FRMD5: variants seen among roughly 807,000 people sequenced by gnomAD.
FRMD5 encodes the protein FERM domain-containing protein 5.
FRMD5 carries 20 observed loss-of-function variants against 69.0 expected under a neutral mutation model. That is an observed-to-expected ratio of 0.29 (90% CI 0.20 to 0.42). The LOEUF is 0.42. FRMD5 is among the 10% of genes least tolerant of loss of function. The pLI is 1.00. For missense variants in FRMD5, 595 were observed against 708.6 expected (o/e 0.84, Z 1.82); for synonymous variants, 271 against 260.1 (o/e 1.04, Z -0.40).
intron 4 of FRMD5, among the ~76,000 whole-genome samples, chr15:43,915,787 T>C (rs1292020140): frequency 2.0e-5 from 3 of 152,178 alleles, no homozygotes; most frequent in Admixed American, 6.5e-5. Context: ...CCTGGCTTTA[T>C]GGGAATGGCT....
At chr15:43,918,317 A>G (rs537520976) in intron 4 of FRMD5, among the ~76,000 whole-genome samples, 2 of 152,266 alleles carry the variant, frequency 1.3e-5, no homozygotes, top group South Asian at 4.1e-4. Context: ...CCAGTTAGTC[A>G]GGAGGCTGAG....
intron 1 of FRMD5, among the ~76,000 whole-genome samples, chr15:43,964,273 C>T (rs190179572): frequency 1.9e-4 from 29 of 151,826 alleles, no homozygotes; most frequent in Admixed American, 1.8e-3. Context: ...TCAGTGATGC[C>T]TTTTTCCGTG....
At chr15:43,946,826 G>C (rs761806290) in intron 1 of FRMD5, among the ~76,000 whole-genome samples, 1 of 152,162 alleles carries the variant, frequency 6.6e-6, no homozygotes, top group Non-Finnish European at 1.5e-5. Flanking sequence ...AACACTTCAA[G>C]CTCATTCTAA....
At chr15:44,075,628 T>C (rs1595696553) in intron 1 of FRMD5, among the ~76,000 whole-genome samples, 1 of 152,174 alleles carries the variant, frequency 6.6e-6, no homozygotes, top group African/African-American at 2.4e-5. Flanking sequence ...AAAACAGGTA[T>C]GTATGTAGCC....
intron 1 of FRMD5, among the ~76,000 whole-genome samples, chr15:44,060,208 A>C (rs959140200): frequency 6.6e-6 from 1 of 152,224 alleles, no homozygotes; most frequent in Non-Finnish European, 1.5e-5. Flanking sequence ...AACTCATTCT[A>C]CAGCCTAATC....
chr15:44,127,372 G>C (rs1215138002), intron 1 of FRMD5, among the ~76,000 whole-genome samples: 1 of 152,174 alleles, frequency 6.6e-6, no homozygotes, highest in African/African-American at 2.4e-5. Flanking sequence ...GATTACAGGC[G>C]TAAGCCACCA....
intron 1 of FRMD5, among the ~76,000 whole-genome samples, chr15:44,068,226 A>C (rs1433502373): frequency 1.3e-5 from 2 of 152,248 alleles, no homozygotes; most frequent in Non-Finnish European, 2.9e-5. Context: ...ATAACCCAGC[A>C]ATTAATTTCA....
intron 1 of FRMD5, among the ~76,000 whole-genome samples, chr15:44,040,267 C>G (rs1405793816): frequency 6.6e-6 from 1 of 152,006 alleles, no homozygotes; most frequent in Admixed American, 6.6e-5. Context: ...AAGAACTTCC[C>G]CAACCTAACA....
chr15:44,143,650 G>A lies in FRMD5; in HGVS notation c.102+51303C>T, dbSNP rs918813803. On this transcript the variant is annotated intron_variant, in intron 1 of 13. Coordinates refer to ENST00000417257, the MANE Select transcript of FRMD5 (RefSeq NM_032892.5). ...GTAGAAAGTATTATCTTTCGGCTGG[G>A]CGCGATGGCTCACGCCTGTAATCCC... is the stretch of plus-strand genomic sequence containing the variant. Among the ~76,000 whole-genome samples the A allele has an allele frequency of 3.4e-4, 51 of 150,912 alleles. 1 individual carries two copies. The highest frequency in any genetic ancestry group is 1.2e-3 in the African/African-American group (51 of 41,046).
intron 1 of FRMD5, among the ~76,000 whole-genome samples, chr15:43,965,764 A>T (rs1357000106): frequency 1.3e-5 from 2 of 151,820 alleles, no homozygotes; most frequent in Non-Finnish European, 2.9e-5. Context: ...TACTTTTAGT[A>T]GAGACGAGGT....
At chr15:43,885,351 T>C (rs1387705416) in intron 11 of FRMD5, among the ~76,000 whole-genome samples, 1 of 152,092 alleles carries the variant, frequency 6.6e-6, no homozygotes, top group Non-Finnish European at 1.5e-5. Flanking sequence ...TTTTTTTGTA[T>C]TTTTAGTAGA....
intron 2 of FRMD5, among the ~76,000 whole-genome samples, chr15:43,921,797 T>G (rs1015441831): frequency 6.6e-6 from 1 of 152,004 alleles, no homozygotes; most frequent in Non-Finnish European, 1.5e-5. Context: ...CAAGAGAAGG[T>G]GGAGGCCCTG....
intron 1 of FRMD5, among the ~76,000 whole-genome samples, chr15:43,957,634 C>T (rs1242859032): frequency 6.6e-6 from 1 of 152,208 alleles, no homozygotes; most frequent in African/African-American, 2.4e-5. Flanking sequence ...ATTTGTATTA[C>T]CTGATTTAGT....
At chr15:44,160,975 A>C (rs2077607524) in intron 1 of FRMD5, among the ~76,000 whole-genome samples, 1 of 152,232 alleles carries the variant, frequency 6.6e-6, no homozygotes, top group Non-Finnish European at 1.5e-5. Flanking sequence ...CATATTGTAC[A>C]AGAGAGGAGG....
At chr15:44,172,236 G>A (rs908995207) in intron 1 of FRMD5, among the ~76,000 whole-genome samples, 4 of 150,596 alleles carry the variant, frequency 2.7e-5, no homozygotes, top group Non-Finnish European at 4.4e-5. Flanking sequence ...GACCACAGGT[G>A]TGCACCACCA....
intron 1 of FRMD5, among the ~76,000 whole-genome samples, chr15:44,100,516 A>T (rs1349623998): frequency 1.3e-5 from 2 of 152,204 alleles, no homozygotes; most frequent in Non-Finnish European, 2.9e-5. Context: ...TGAATACAGT[A>T]TACTTCCTCC....
At chr15:43,875,010 C>T (rs1048331795) in intron 13 of FRMD5, among the ~76,000 whole-genome samples, 2 of 152,154 alleles carry the variant, frequency 1.3e-5, no homozygotes, top group African/African-American at 2.4e-5. Flanking sequence ...CCAGCCTGGC[C>T]AACATGGTGA....
intron 1 of FRMD5, among the ~76,000 whole-genome samples, chr15:44,047,109 C>T (rs1892460185): frequency 6.6e-6 from 1 of 152,116 alleles, no homozygotes; most frequent in Admixed American, 6.6e-5. Flanking sequence ...GAGTTCAAAA[C>T]CACTCTGGCC....
chr15:44,081,295 T>A (rs1406712602), intron 1 of FRMD5, among the ~76,000 whole-genome samples: 1 of 152,152 alleles, frequency 6.6e-6, no homozygotes, highest in Admixed American at 6.6e-5. Flanking sequence ...CTGGATTTTC[T>A]CTCCTTTAAT....
Sources: allele counts gnomAD v4.1 joint callset (sites outside exome capture counted in the v4.1 genomes callset), GRCh38; gene constraint gnomAD v4.1.1; transcripts MANE v1.5; gene names NCBI Gene and HGNC (gene_info 2026-07-23, HGNC 2026-07-21).